The following CDH18 variants were observed in gnomAD, a reference collection of about 807,000 sequenced individuals.
CDH18 encodes the protein cadherin 18, also known as cadherin-18.
Under a neutral mutation model 67.9 loss-of-function variants are expected in CDH18, and 31 were observed. The observed-to-expected ratio is 0.46, with a 90% CI of 0.34 to 0.62. The LOEUF (loss-of-function observed/expected upper bound fraction) is 0.62. CDH18 is among the 20% of genes least tolerant of loss of function. CDH18 has a pLI of 0.01. For synonymous variants in CDH18, 362 were observed against 347.2 expected, an observed-to-expected ratio of 1.04 and a Z score of -0.48; for missense variants, 890 against 975.5, an observed-to-expected ratio of 0.91 and a Z score of 1.17.
At chr5:19,711,650 T>TAAAAAAAAAAAAAAAAAAAAAAAAAAAA (rs3062941) in intron 5 of CDH18, among the ~76,000 whole-genome samples, 1 of 115,608 alleles carries the variant, frequency 8.6e-6, no homozygotes. Flanking sequence ...TAGTATAAAG[T>TAAAAAAAAAAAAAAAAAAAAAAAAAAAA]AAAAAAAAAA....
chr5:20,382,123 A>G (rs2150101802), intron 1 of CDH18, among the ~76,000 whole-genome samples: 1 of 152,286 alleles, frequency 6.6e-6, no homozygotes, highest in African/African-American at 2.4e-5. Context: ...TGAAATTACT[A>G]GAGGTTAACC....
At position 19,574,987 on chromosome 5, in the gene CDH18, C is replaced by T. The variant is rs539387821; in HGVS notation, c.1000-3155G>A. 1.1e-4 allele frequency among the ~76,000 whole-genome samples: 16 copies of T among 152,080 alleles called. No homozygotes were observed. The South Asian group carries it at 2.5e-3, about 24-fold the overall frequency. On this transcript the variant is annotated intron_variant, in intron 7 of 12. Transcript: ENST00000382275. Reference sequence around the variant, plus strand: ...CCAGGAGGTGGAGGTTGCAGTGAGCCGAGATCATGCCACCGCACTCCAGCC... The same window carrying T: ...CCAGGAGGTGGAGGTTGCAGTGAGCTGAGATCATGCCACCGCACTCCAGCC...
At chr5:19,790,288 C>T (rs895747479) in intron 3 of CDH18, among the ~76,000 whole-genome samples, 9 of 152,118 alleles carry the variant, frequency 5.9e-5, no homozygotes, top group African/African-American at 1.9e-4. Flanking sequence ...GATGCACTTT[C>T]AATTCTGATT....
chr5:20,514,468 C>A (rs1009417244), intron 1 of CDH18, among the ~76,000 whole-genome samples: 1 of 152,070 alleles, frequency 6.6e-6, no homozygotes, highest in Non-Finnish European at 1.5e-5. Flanking sequence ...AATCTCTTCC[C>A]TTGTGTTCAG....
chr5:19,612,318 A>T, intron 6 of CDH18, 116 bp downstream of exon 6: 1 of 989,290 alleles, frequency 1.0e-6, no homozygotes, highest in Non-Finnish European at 1.5e-6. Flanking sequence ...ATCATATAGT[A>T]CAAAAACAGA....
chr5:19,548,787 G>A (rs927220141), intron 8 of CDH18, among the ~76,000 whole-genome samples: 10 of 122,810 alleles, frequency 8.1e-5, no homozygotes, highest in African/African-American at 2.8e-4. Flanking sequence ...TGTCGCTCTT[G>A]TTGCCCAGGC....
chr5:19,734,580 C>G (rs562251014), intron 4 of CDH18, among the ~76,000 whole-genome samples: 10 of 152,192 alleles, frequency 6.6e-5, no homozygotes, highest in African/African-American at 2.4e-4. Context: ...AAAGACTCTT[C>G]CTTGTTTTGA....
At chr5:20,528,958 G>A (rs940416920) in intron 1 of CDH18, among the ~76,000 whole-genome samples, 1 of 123,792 alleles carries the variant, frequency 8.1e-6, no homozygotes, top group Admixed American at 8.4e-5. Flanking sequence ...CCAGGAGCTG[G>A]TTTTGTGAAA....
At chr5:20,466,455 G>A (rs181655589) in intron 1 of CDH18, among the ~76,000 whole-genome samples, 84 of 152,098 alleles carry the variant, frequency 5.5e-4, no homozygotes, top group Non-Finnish European at 5.6e-4. Flanking sequence ...AATAAATTAT[G>A]TATTAGAATC....
intron 1 of CDH18, among the ~76,000 whole-genome samples, chr5:20,493,413 T>C (rs1239133719): frequency 6.6e-6 from 1 of 150,674 alleles, no homozygotes. Flanking sequence ...TTATTTTTTA[T>C]TGTTTCTGTT....
At chr5:19,685,621 A>G (rs1223787900) in intron 5 of CDH18, among the ~76,000 whole-genome samples, 1 of 152,156 alleles carries the variant, frequency 6.6e-6, no homozygotes, top group Non-Finnish European at 1.5e-5. Flanking sequence ...CTCCACAGAT[A>G]TAGACGCATC....
rs927262749 is a variant in CDH18, at chr5:19,472,217, G to T, written c.*1009C>A. ...TAGTCTTTCAGACTACATTGTTATT[G>T]TGTGAGGTACTTATTTTTAATTACT... On this transcript the variant is annotated 3_prime_UTR_variant, in exon 13 of 13. Transcript: ENST00000382275. Among the ~76,000 whole-genome samples, 1 of 152,136 alleles carries T rather than the reference G, an allele frequency of 6.6e-6. No individual in the cohort carries two copies. The highest frequency in any genetic ancestry group is 2.4e-5 in the African/African-American group (1 of 41,434).
At chr5:19,719,179 A>C (rs1229549304) in intron 5 of CDH18, among the ~76,000 whole-genome samples, 1 of 152,064 alleles carries the variant, frequency 6.6e-6, no homozygotes, top group Non-Finnish European at 1.5e-5. Context: ...TTTTTTAAAC[A>C]ATTTTATACA....
intron 7 of CDH18, among the ~76,000 whole-genome samples, chr5:19,579,646 G>A (rs115446155): frequency 9.2e-4 from 139 of 151,606 alleles, no homozygotes; most frequent in East Asian, 2.5e-3. Flanking sequence ...TCTAATATTT[G>A]ACTTATTAGC....
chr5:19,504,589 T>A, intron 10 of CDH18, among the ~76,000 whole-genome samples: 1 of 152,034 alleles, frequency 6.6e-6, no homozygotes, highest in African/African-American at 2.4e-5. Context: ...AATACAAAAT[T>A]GAAATAAAAT....
chr5:20,255,724 C>T (rs1007409502), intron 1 of CDH18, among the ~76,000 whole-genome samples: 4 of 151,798 alleles, frequency 2.6e-5, no homozygotes, highest in Admixed American at 6.6e-5. Context: ...ATTTTAGCTC[C>T]GTCACGTGTT....
intron 3 of CDH18, among the ~76,000 whole-genome samples, chr5:19,755,629 A>T (rs1354624978): frequency 4.0e-5 from 6 of 148,308 alleles, no homozygotes; most frequent in African/African-American, 1.5e-4. Context: ...TATCTCCTAT[A>T]TAAATATAAA....
chr5:19,473,571 C>T lies in CDH18; in HGVS notation c.2028G>A (p.Leu676=). The T allele has an allele frequency of 6.2e-7, 1 of 1,613,890 alleles. No individual in the cohort carries two copies. Among genetic ancestry groups the T allele is most frequent in the Non-Finnish European group, 8.5e-7 (1 of 1,179,864 alleles). The part of the protein sequence containing the change: ...EDTEAFDITA[L]RNPSAAEELK... The stretch of plus-strand genomic sequence containing the variant: ...GCTCCTCAGCAGCAGAAGGATTCCT[C>T]AAGGCTGTGATGTCAAAGGCCTCTG... Residue 676 remains leucine, a synonymous_variant, in exon 13 of 13, where the codon TTG becomes TTA. Transcript: ENST00000382275.
At chr5:19,782,555 G>A (rs1001329116) in intron 3 of CDH18, among the ~76,000 whole-genome samples, 3 of 152,190 alleles carry the variant, frequency 2.0e-5, no homozygotes, top group South Asian at 4.1e-4. Flanking sequence ...ATGAAAAGAC[G>A]TATACTTAAG....
Sources: gnomAD v4.1 joint callset for allele counts (sites outside exome capture counted in the v4.1 genomes callset) on GRCh38, gnomAD v4.1.1 for gene constraint, MANE v1.5 for transcripts, NCBI Gene and HGNC (gene_info 2026-07-23, HGNC 2026-07-21) for gene names.